SAMD12: variants seen among roughly 807,000 people sequenced by gnomAD.
The protein encoded by SAMD12 is sterile alpha motif domain-containing protein 12.
A neutral mutation model predicts 15.0 loss-of-function variants in SAMD12; 9 were observed. The observed-to-expected ratio is 0.60, with a 90% CI of 0.36 to 1.05. The LOEUF (loss-of-function observed/expected upper bound fraction) is 1.05, where lower values mean the gene tolerates loss of function less well. Ranked by LOEUF, SAMD12 falls within the 50% of genes least tolerant of loss-of-function variation. The pLI, the probability that SAMD12 is intolerant of heterozygous loss-of-function variation, is 0.01. For missense variants in SAMD12, 230 were observed against 234.2 expected (o/e 0.98, Z 0.12); for synonymous variants, 86 against 90.1 (o/e 0.96, Z 0.25).
chr8:118,372,348 C>A (rs1819147210), intron 4 of SAMD12, among the ~76,000 whole-genome samples: 1 of 151,240 alleles, frequency 6.6e-6, no homozygotes, highest in Non-Finnish European at 1.5e-5. Flanking sequence ...ACCTGAGATT[C>A]TCAGGAAATT....
chr8:118,489,135 A>AC (rs1824365953), intron 2 of SAMD12, among the ~76,000 whole-genome samples: 1 of 151,654 alleles, frequency 6.6e-6, no homozygotes, highest in African/African-American at 2.4e-5. Context: ...CCATTTCAAT[A>AC]CCCCCCTTTT....
At chr8:118,443,895 G>A (rs572898245) in intron 2 of SAMD12, among the ~76,000 whole-genome samples, 22 of 152,210 alleles carry the variant, frequency 1.4e-4, no homozygotes, top group Admixed American at 3.9e-4. Flanking sequence ...TCACTTCCAC[G>A]TACAATTAGA....
the SAMD12 span, among the ~76,000 whole-genome samples, chr8:118,153,174 C>T: frequency 6.6e-6 from 1 of 152,134 alleles, no homozygotes; most frequent in Non-Finnish European, 1.5e-5. Context: ...TTTATTTTTC[C>T]TCATGTAGGG....
intron 2 of SAMD12, among the ~76,000 whole-genome samples, chr8:118,452,462 T>A (rs1823112817): frequency 6.6e-6 from 1 of 152,308 alleles, no homozygotes; most frequent in African/African-American, 2.4e-5. Flanking sequence ...AAATACTAGG[T>A]TTCATACAAT....
At chr8:118,302,217 C>T (rs1233948573) in intron 4 of SAMD12, among the ~76,000 whole-genome samples, 1 of 151,706 alleles carries the variant, frequency 6.6e-6, no homozygotes, top group Admixed American at 6.6e-5. Context: ...AGGGAAACCC[C>T]CTCACCTTCA....
intron 4 of SAMD12, among the ~76,000 whole-genome samples, chr8:118,230,444 A>G (rs995040452): frequency 6.6e-6 from 1 of 152,164 alleles, no homozygotes. Context: ...TCCAGAGGAC[A>G]TATGAAATCA....
intron 4 of SAMD12, among the ~76,000 whole-genome samples, chr8:118,340,899 T>C (rs1229265682): frequency 6.6e-6 from 1 of 152,192 alleles, no homozygotes; most frequent in Non-Finnish European, 1.5e-5. Flanking sequence ...GAGGAAGGAA[T>C]GGGGATCAGA....
chr8:118,619,232 G>A (rs1828326234), intron 1 of SAMD12, among the ~76,000 whole-genome samples: 1 of 152,068 alleles, frequency 6.6e-6, no homozygotes, highest in South Asian at 2.1e-4. Context: ...AGACTGAAGA[G>A]AAGGGCACTT....
At chr8:118,436,602 A>G (rs1205639576) in intron 3 of SAMD12, among the ~76,000 whole-genome samples, 2 of 152,184 alleles carry the variant, frequency 1.3e-5, no homozygotes, top group Admixed American at 6.5e-5. Context: ...TAAGAAAAAT[A>G]AAAGAACAGC....
chr8:118,516,984 T>A (rs1210800330), intron 2 of SAMD12, among the ~76,000 whole-genome samples: 1 of 152,176 alleles, frequency 6.6e-6, no homozygotes, highest in Non-Finnish European at 1.5e-5. Context: ...CTAACAGGAT[T>A]TGTGCAGAGG....
chr8:118,163,874 CAAACAAAACAAAACAAAACA>C, the SAMD12 span, among the ~76,000 whole-genome samples: 1,017 of 149,276 alleles, frequency 6.8e-3, 3 homozygotes, highest in Non-Finnish European at 0.011. Flanking sequence ...GACTCCGTCT[CAAACAAAACAAAACAAAACA>C]AAACAAAACA....
chr8:118,185,205 T>G (rs1319074599), downstream of SAMD12, among the ~76,000 whole-genome samples: 1 of 152,166 alleles, frequency 6.6e-6, no homozygotes, highest in Non-Finnish European at 1.5e-5. Context: ...TTCTAGATTT[T>G]CTAATTATGC....
intron 2 of SAMD12, among the ~76,000 whole-genome samples, chr8:118,465,402 A>T (rs1282568995): frequency 6.6e-6 from 1 of 152,224 alleles, no homozygotes; most frequent in African/African-American, 2.4e-5. Context: ...CTAAAAGAAG[A>T]TGATCAGCTA....
At position 118,398,328 on chromosome 8, in the gene SAMD12, G is replaced by A. The variant is rs572198686; in HGVS notation, c.323-18628C>T. Among the ~76,000 whole-genome samples, 3 of 152,280 alleles carry A rather than the reference G, an allele frequency of 2.0e-5. 1 individual carries two copies. The highest frequency in any genetic ancestry group is 7.2e-5 in the African/African-American group (3 of 41,554). On this transcript the variant is annotated intron_variant, in intron 3 of 3. Transcript: ENST00000314727. ...GCAGGAAAATCACTTGAACCTGGCC[G>A]ATGCAGGTTACAGTGAGCTGAGATC...
At chr8:118,187,476 C>A (rs777495113), downstream of SAMD12, among the ~76,000 whole-genome samples, 3 of 152,166 alleles carry the variant, frequency 2.0e-5, no homozygotes, top group Non-Finnish European at 4.4e-5. Context: ...ATTTCTCTAG[C>A]ACAAGATAAC....
chr8:118,574,036 T>C (rs1827087972), intron 2 of SAMD12, among the ~76,000 whole-genome samples: 1 of 152,190 alleles, frequency 6.6e-6, no homozygotes, highest in African/African-American at 2.4e-5. Context: ...TGTCAGAGAA[T>C]GTGACTAGGG....
chr8:118,618,249 G>A (rs540642897), intron 1 of SAMD12, among the ~76,000 whole-genome samples: 1 of 152,144 alleles, frequency 6.6e-6, no homozygotes, highest in Admixed American at 6.5e-5. Context: ...TAAACAAAGG[G>A]CACCTCTTTT....
chr8:118,537,332 G>T (rs958335867), intron 2 of SAMD12, among the ~76,000 whole-genome samples: 1 of 152,054 alleles, frequency 6.6e-6, no homozygotes, highest in African/African-American at 2.4e-5. Context: ...GGTTTGGGAA[G>T]TTCTCTGTTA....
intron 2 of SAMD12, among the ~76,000 whole-genome samples, chr8:118,485,498 T>C (rs770400780): frequency 1.3e-4 from 20 of 152,232 alleles, no homozygotes; most frequent in Non-Finnish European, 2.2e-4. Flanking sequence ...AGAGATTTTA[T>C]CTTTCCTCTT....
Sources: gnomAD v4.1 joint callset for allele counts (sites outside exome capture counted in the v4.1 genomes callset) on GRCh38, gnomAD v4.1.1 for gene constraint, MANE v1.5 for transcripts, NCBI Gene and HGNC (gene_info 2026-07-23, HGNC 2026-07-21) for gene names.